Variants in CNTNAP2 observed in about 807,000 individuals in gnomAD.
CNTNAP2 encodes the protein contactin associated protein 2.
A neutral mutation model predicts 155.2 loss-of-function variants in CNTNAP2; 98 were observed. That is an observed-to-expected ratio of 0.63 (90% CI 0.54 to 0.75). CNTNAP2 has a LOEUF of 0.75. Ranked by LOEUF, CNTNAP2 falls within the 30% of genes least tolerant of loss-of-function variation. The pLI is 0.00. For missense variants in CNTNAP2, 1,727 were observed against 1,688.1 expected, an observed-to-expected ratio of 1.02 and a Z score of -0.40; for synonymous variants, 651 against 631.2, an observed-to-expected ratio of 1.03 and a Z score of -0.47.
chr7:147,078,196 T>G (rs1300842603), intron 4 of CNTNAP2, among the ~76,000 whole-genome samples: 1 of 152,212 alleles, frequency 6.6e-6, no homozygotes, highest in African/African-American at 2.4e-5. Flanking sequence ...TTGAAAGAAT[T>G]ACATGTATAA....
intron 18 of CNTNAP2, among the ~76,000 whole-genome samples, chr7:148,173,162 A>G (rs1035375765): frequency 1.3e-5 from 2 of 151,414 alleles, no homozygotes; most frequent in South Asian, 2.1e-4. Context: ...CAAGAGCCCA[A>G]TGCATATGCA....
intron 13 of CNTNAP2, among the ~76,000 whole-genome samples, chr7:147,807,417 T>G (rs1245342378): frequency 6.6e-6 from 1 of 152,004 alleles, no homozygotes; most frequent in Non-Finnish European, 1.5e-5. Flanking sequence ...AACCTGATTT[T>G]TATCATTACA....
intron 18 of CNTNAP2, among the ~76,000 whole-genome samples, chr7:148,206,112 TA>T (rs1243308741): frequency 2.6e-5 from 4 of 151,278 alleles, no homozygotes; most frequent in Non-Finnish European, 4.4e-5. Flanking sequence ...TTCATATATA[TA>T]TTTTTTTATA....
At chr7:146,674,955 A>T (rs1367259909) in intron 1 of CNTNAP2, among the ~76,000 whole-genome samples, 1 of 152,190 alleles carries the variant, frequency 6.6e-6, no homozygotes, top group Non-Finnish European at 1.5e-5. Flanking sequence ...CTTGCTGAAG[A>T]CAGTTCATCT....
At chr7:148,121,973 A>G (rs1388641903) in intron 16 of CNTNAP2, among the ~76,000 whole-genome samples, 9 of 152,208 alleles carry the variant, frequency 5.9e-5, no homozygotes, top group African/African-American at 1.7e-4. Flanking sequence ...CTTTCCCTCA[A>G]AGATCTTTCT....
chr7:147,090,417 A>T (rs916604982), intron 4 of CNTNAP2, among the ~76,000 whole-genome samples: 3 of 152,008 alleles, frequency 2.0e-5, no homozygotes, highest in Admixed American at 6.5e-5. Flanking sequence ...TAGCAAAAAG[A>T]GAGGGAAATA....
At chr7:147,029,055 T>C (rs576316923) in intron 3 of CNTNAP2, among the ~76,000 whole-genome samples, 20 of 146,288 alleles carry the variant, frequency 1.4e-4, no homozygotes, top group Non-Finnish European at 2.2e-4. Context: ...GCTCCGCCTC[T>C]CGGGTTCACG....
intron 8 of CNTNAP2, among the ~76,000 whole-genome samples, chr7:147,241,136 T>G (rs1803927715): frequency 6.6e-6 from 1 of 152,172 alleles, no homozygotes; most frequent in African/African-American, 2.4e-5. Context: ...AGACGTTGCT[T>G]CAAGGTACAA....
At chr7:147,230,986 A>G (rs1803666582) in intron 8 of CNTNAP2, among the ~76,000 whole-genome samples, 1 of 152,228 alleles carries the variant, frequency 6.6e-6, no homozygotes, top group Non-Finnish European at 1.5e-5. Flanking sequence ...AGACCTCAGG[A>G]AACTTACAAT....
chr7:146,678,367 C>T (rs1199119156), intron 1 of CNTNAP2, among the ~76,000 whole-genome samples: 4 of 152,124 alleles, frequency 2.6e-5, no homozygotes, highest in Non-Finnish European at 5.9e-5. Context: ...AGCTACCACA[C>T]CCAGCCATAA....
At chr7:147,351,737 G>A (rs969029144) in intron 9 of CNTNAP2, among the ~76,000 whole-genome samples, 7 of 151,794 alleles carry the variant, frequency 4.6e-5, no homozygotes, top group African/African-American at 7.2e-5. Context: ...CCAAGCAAGC[G>A]TCTCAGAGTG....
intron 1 of CNTNAP2, among the ~76,000 whole-genome samples, chr7:146,539,159 A>G (rs959985270): frequency 2.0e-5 from 3 of 152,120 alleles, no homozygotes; most frequent in African/African-American, 4.8e-5. Context: ...TATCAAATCG[A>G]CACAGAATGA....
chr7:147,204,961 T>A (rs1410472972), intron 8 of CNTNAP2, among the ~76,000 whole-genome samples: 1 of 152,142 alleles, frequency 6.6e-6, no homozygotes, highest in Non-Finnish European at 1.5e-5. Flanking sequence ...TATATCTGGG[T>A]GCTCTATTCT....
chr7:147,303,287 C>T (rs571519497), intron 9 of CNTNAP2, among the ~76,000 whole-genome samples: 1 of 152,168 alleles, frequency 6.6e-6, no homozygotes, highest in Non-Finnish European at 1.5e-5. Flanking sequence ...CCAAAGAAAA[C>T]CCAGTTTGGC....
At position 146,743,260 on chromosome 7, in the gene CNTNAP2, A is replaced by G. The variant is rs778246966; in HGVS notation, c.98-31011A>G. On this transcript the variant is annotated intron_variant, in intron 1 of 23. Coordinates refer to ENST00000361727, the MANE Select transcript of CNTNAP2 (RefSeq NM_014141.6). ...ACATGTCAGAGTCCATAGGAGGTAC[A>G]AACAGGTATTCTATGACAAGGGACT... 5.8e-4 allele frequency among the ~76,000 whole-genome samples: 89 copies of G among 152,194 alleles called. 1 individual carries two copies. The highest frequency in any genetic ancestry group is 4.4e-5 in the Non-Finnish European group (3 of 68,042).
chr7:148,169,334 A>T (rs1805731649), intron 17 of CNTNAP2, among the ~76,000 whole-genome samples: 1 of 152,248 alleles, frequency 6.6e-6, no homozygotes, highest in African/African-American at 2.4e-5. Context: ...TGAAAATCTC[A>T]TACCCTACTG....
At chr7:146,325,588 G>A (rs1008373442) in intron 1 of CNTNAP2, among the ~76,000 whole-genome samples, 5 of 151,688 alleles carry the variant, frequency 3.3e-5, no homozygotes, top group Admixed American at 1.3e-4. Flanking sequence ...AGATGGACAC[G>A]CCCCCCTATA....
chr7:148,302,813 CTTTT>C (rs59354674), intron 21 of CNTNAP2, among the ~76,000 whole-genome samples: 4 of 86,914 alleles, frequency 4.6e-5, no homozygotes, highest in East Asian at 3.8e-4. Context: ...CTCGATTATT[CTTTT>C]TTTTTTTTTT....
chr7:147,029,308 AGG>A (rs1408704715), intron 3 of CNTNAP2, among the ~76,000 whole-genome samples: 2 of 152,032 alleles, frequency 1.3e-5, no homozygotes, highest in East Asian at 3.9e-4. Flanking sequence ...AAGATGACTA[AGG>A]GAGATATTCA....
Sources: allele counts gnomAD v4.1 joint callset (sites outside exome capture counted in the v4.1 genomes callset), GRCh38; gene constraint gnomAD v4.1.1; transcripts MANE v1.5; gene names NCBI Gene and HGNC (gene_info 2026-07-23, HGNC 2026-07-21).